GABRG3: variants seen among roughly 807,000 people sequenced by gnomAD.
GABRG3 encodes the protein gamma-aminobutyric acid type A receptor subunit gamma3.
GABRG3 carries 25 observed loss-of-function variants against 48.8 expected under a neutral mutation model. The observed-to-expected ratio is 0.51, with a 90% CI of 0.37 to 0.72. The LOEUF (loss-of-function observed/expected upper bound fraction) is 0.72, where lower values mean the gene tolerates loss of function less well. Ranked by LOEUF, GABRG3 falls within the 30% of genes least tolerant of loss-of-function variation. The pLI is 0.00. For synonymous variants in GABRG3, 227 were observed against 217.6 expected (o/e 1.04, Z -0.38); for missense variants, 394 against 577.9 (o/e 0.68, Z 3.26).
chr15:27,446,580 A>G (rs1888951840), intron 5 of GABRG3, among the ~76,000 whole-genome samples: 1 of 152,198 alleles, frequency 6.6e-6, no homozygotes, highest in Admixed American at 6.5e-5. Flanking sequence ...TGTAGTTTTC[A>G]GAGTATAAAA....
At chr15:27,337,581 GA>G (rs1894017193) in intron 5 of GABRG3, among the ~76,000 whole-genome samples, 1 of 152,156 alleles carries the variant, frequency 6.6e-6, no homozygotes, top group Non-Finnish European at 1.5e-5. Flanking sequence ...AGCACAGTCT[GA>G]GACCCACGCA....
chr15:27,010,604 C>T (rs957385701), intron 2 of GABRG3, among the ~76,000 whole-genome samples: 56 of 152,160 alleles, frequency 3.7e-4, no homozygotes, highest in Non-Finnish European at 6.5e-4. Flanking sequence ...TCCACCTTCT[C>T]TCTTGAAGCT....
chr15:27,387,711 C>G (rs1661953736), intron 5 of GABRG3, among the ~76,000 whole-genome samples: 2 of 150,526 alleles, frequency 1.3e-5, no homozygotes, highest in South Asian at 4.3e-4. Context: ...CCTCTGTCCC[C>G]CAGTCTCCAC....
chr15:27,202,344 G>A (rs952117044), intron 3 of GABRG3, among the ~76,000 whole-genome samples: 5 of 152,036 alleles, frequency 3.3e-5, no homozygotes, highest in African/African-American at 1.2e-4. Context: ...TTCATTATTT[G>A]TAATGGCTAC....
chr15:27,033,421 G>A (rs764961190), intron 3 of GABRG3, among the ~76,000 whole-genome samples: 2 of 152,068 alleles, frequency 1.3e-5, no homozygotes, highest in Non-Finnish European at 1.5e-5. Context: ...GGTGTAATAA[G>A]GATTGATTCT....
chr15:27,420,649 C>A (rs1888085979), intron 5 of GABRG3: 1 of 152,062 alleles, frequency 6.6e-6, no homozygotes, highest in African/African-American at 2.4e-5. Context: ...AAGTTTTACA[C>A]CTTAAAGGTA....
intron 3 of GABRG3, among the ~76,000 whole-genome samples, chr15:27,199,505 G>A (rs1280246227): frequency 1.3e-5 from 2 of 152,134 alleles, no homozygotes; most frequent in Non-Finnish European, 2.9e-5. Flanking sequence ...CCTCGTCAGA[G>A]GTGTTTGGGT....
intron 3 of GABRG3, among the ~76,000 whole-genome samples, chr15:27,047,344 G>T (rs1035559758): frequency 6.6e-6 from 1 of 152,216 alleles, no homozygotes; most frequent in Admixed American, 6.5e-5. Context: ...CACTGAATAA[G>T]ATGAGGCCCA....
Position 27,076,523 on chromosome 15 carries a change from A to G in GABRG3, c.270+49702A>G, listed in dbSNP as rs148631326. 3.7e-3 allele frequency among the ~76,000 whole-genome samples: 567 copies of G among 151,882 alleles called. 14 individuals are homozygous for G. In the East Asian group the frequency reaches 0.049, roughly 13 times the overall value. On this transcript the variant is annotated intron_variant, in intron 3 of 9. Coordinates refer to ENST00000615808, the MANE Select transcript of GABRG3 (RefSeq NM_033223.5). ...GTATTTTTAGTAGAGATGGGGTTTC[A>G]CCATGTTGACCAGGATGTTCTCGAT...
intron 5 of GABRG3, among the ~76,000 whole-genome samples, chr15:27,432,605 G>A (rs961713802): frequency 8.5e-5 from 13 of 152,150 alleles, no homozygotes; most frequent in African/African-American, 3.1e-4. Context: ...GGATAGTCCA[G>A]CCACAGTCTC....
At chr15:27,382,759 A>G (rs146565346) in intron 5 of GABRG3, among the ~76,000 whole-genome samples, 144 of 152,138 alleles carry the variant, frequency 9.5e-4, no homozygotes, top group African/African-American at 3.0e-3. Context: ...CGAGGGACTG[A>G]GTATGTGGTA....
At chr15:27,092,449 G>C (rs1897203747) in intron 3 of GABRG3, among the ~76,000 whole-genome samples, 1 of 152,136 alleles carries the variant, frequency 6.6e-6, no homozygotes, top group Admixed American at 6.5e-5. Context: ...CTCACTATCT[G>C]GTCCTGCCTG....
intron 3 of GABRG3, among the ~76,000 whole-genome samples, chr15:27,042,435 C>G (rs1218720225): frequency 6.6e-6 from 1 of 152,216 alleles, no homozygotes; most frequent in Non-Finnish European, 1.5e-5. Flanking sequence ...ACACTGCTGC[C>G]AAGCCGCCCT....
chr15:27,313,287 T>TATAC (rs1893087205), intron 3 of GABRG3, among the ~76,000 whole-genome samples: 1 of 109,988 alleles, frequency 9.1e-6, no homozygotes, highest in East Asian at 3.7e-4. Context: ...TATATATATA[T>TATAC]ATATATATAT....
intron 3 of GABRG3, among the ~76,000 whole-genome samples, chr15:27,181,539 T>C (rs1427818980): frequency 3.3e-5 from 5 of 152,236 alleles, no homozygotes; most frequent in Non-Finnish European, 7.3e-5. Context: ...GATTTCTGTC[T>C]GAATGAATTT....
Position 27,153,110 on chromosome 15 carries a change from C to T in GABRG3, c.270+126289C>T, listed in dbSNP as rs142295075. Among the ~76,000 whole-genome samples, 243 of 152,314 alleles carry T rather than the reference C, an allele frequency of 1.6e-3. 6 individuals are homozygous for T. Among genetic ancestry groups the T allele is most frequent in the African/African-American group, 5.6e-3 (234 of 41,562 alleles). ...TCTCCTGACCTTGTGATCCGCCCGC[C>T]TCGGCCTCCCAAAGTGCTGGGATTA... On this transcript the variant is annotated intron_variant, in intron 3 of 9. Transcript: ENST00000615808.
chr15:27,248,803 C>CACACACACACACACACACACAGAGAG (rs1377080195), intron 3 of GABRG3, among the ~76,000 whole-genome samples: 2 of 110,176 alleles, frequency 1.8e-5, no homozygotes, highest in Non-Finnish European at 3.6e-5. Flanking sequence ...CACACACACA[C>CACACACACACACACACACACAGAGAG]AGAGAGAGAG....
intron 2 of GABRG3, among the ~76,000 whole-genome samples, chr15:27,023,267 A>G (rs552088456): frequency 6.6e-6 from 1 of 152,250 alleles, no homozygotes; most frequent in Non-Finnish European, 1.5e-5. Context: ...TCATATCCCC[A>G]TCTTTCTCTT....
chr15:27,036,998 G>A (rs1176728319), intron 3 of GABRG3, among the ~76,000 whole-genome samples: 1 of 152,130 alleles, frequency 6.6e-6, no homozygotes, highest in African/African-American at 2.4e-5. Flanking sequence ...ATTTGGAAAC[G>A]ACTCACACAC....
Sources: allele counts gnomAD v4.1 joint callset (sites outside exome capture counted in the v4.1 genomes callset), GRCh38; gene constraint gnomAD v4.1.1; transcripts MANE v1.5; gene names NCBI Gene and HGNC (gene_info 2026-07-23, HGNC 2026-07-21).